The following WDR89 variants were observed in gnomAD, a reference collection of about 807,000 sequenced individuals.
WDR89 encodes WD repeat domain 89, also known as WD repeat-containing protein 89.
A neutral mutation model predicts 29.1 loss-of-function variants in WDR89; 17 were observed. That is an observed-to-expected ratio of 0.58 (90% confidence interval 0.40 to 0.88). The LOEUF is 0.88. WDR89 is among the 40% of genes least tolerant of loss of function. The pLI is 0.00. For synonymous variants in WDR89, 138 were observed against 157.8 expected, an observed-to-expected ratio of 0.87 and a Z score of 0.94; for missense variants, 396 against 456.3, an observed-to-expected ratio of 0.87 and a Z score of 1.20.
chr14:63,638,220 C>T (rs1326830680), intron 1 of WDR89, among the ~76,000 whole-genome samples: 1 of 152,150 alleles, frequency 6.6e-6, no homozygotes, highest in East Asian at 1.9e-4. Flanking sequence ...GCTGGGATTA[C>T]AGGCATGAGC....
intron 2 of WDR89, among the ~76,000 whole-genome samples, chr14:63,611,335 C>G (rs1158278617): frequency 3.5e-4 from 8 of 22,888 alleles, no homozygotes; most frequent in African/African-American, 5.0e-4. Flanking sequence ...GGCCCTGTCG[C>G]AAAAAAAAAA....
intron 2 of WDR89, among the ~76,000 whole-genome samples, chr14:63,604,926 T>C (rs1895238770): frequency 6.6e-6 from 1 of 152,020 alleles, no homozygotes; most frequent in African/African-American, 2.4e-5. Context: ...GCCAGGCAGA[T>C]CACTTTAGCC....
intron 2 of WDR89, among the ~76,000 whole-genome samples, chr14:63,615,357 C>T (rs561868797): frequency 6.6e-6 from 1 of 152,168 alleles, no homozygotes; most frequent in African/African-American, 2.4e-5. Context: ...CAGTTAGAAG[C>T]AATTCGGAAT....
chr14:63,634,261 C>T (rs753639882), intron 1 of WDR89, among the ~76,000 whole-genome samples: 1 of 152,174 alleles, frequency 6.6e-6, no homozygotes, highest in Non-Finnish European at 1.5e-5. Context: ...GTGGCTCACA[C>T]TTGTAATCCC....
rs1479546173 is a variant in WDR89 at position 63,598,859 on chromosome 14, T to A, written c.1084A>T (p.Ser362Cys). ...AIEKTFTKKE[S>C]MKIASSVHQR... is the part of the protein sequence containing the mutation. ...TGCACAGAGGATGCTATTTTCATAC[T>A]CTCTTTCTTTGTAAAGGTCTTCTCT... The change falls in exon 3 of 3, where the codon AGT becomes TGT. Residue 362 changes from serine to cysteine, a missense_variant. Physicochemically the swap from Ser to Cys is moderately radical, Grantham distance 112 (BLOSUM62 -1). Coordinates refer to ENST00000620954, the MANE Select transcript of WDR89 (RefSeq NM_080666.4). The A allele has an allele frequency of 2.5e-6, 4 of 1,614,084 alleles. No individual in the cohort carries two copies. The highest frequency in any genetic ancestry group is 3.4e-6 in the Non-Finnish European group (4 of 1,179,938).
At position 63,599,017 on chromosome 14, in the gene WDR89, C is replaced by T. The variant is rs1429793227; in HGVS notation, c.926G>A (p.Gly309Glu). 2 of 1,614,224 alleles carry T rather than the reference C, an allele frequency of 1.2e-6. No homozygotes were observed. Among genetic ancestry groups the T allele is most frequent in the Non-Finnish European group, 8.5e-7 (1 of 1,180,038 alleles). ...CTGAAGGCTAGTCACATGGGTCAGT[C>T]CTGACATGCTGCAGTTCATCAAATG... Reference protein sequence around the residue: ...RIHLMNCSMSGLTHVTSLQGG... With the variant: ...RIHLMNCSMSELTHVTSLQGG... Residue 309 changes from glycine (G) to glutamate (E), a missense_variant, in exon 3 of 3, where the codon GGA (glycine) becomes GAA (glutamate). By Grantham distance (98) the Gly-to-Glu change is moderately conservative (BLOSUM62 -2). Coordinates refer to ENST00000620954, the MANE Select transcript of WDR89 (RefSeq NM_080666.4).
intron 1 of WDR89, among the ~76,000 whole-genome samples, chr14:63,630,972 G>T (rs1362647434): frequency 6.6e-6 from 1 of 152,024 alleles, no homozygotes; most frequent in Non-Finnish European, 1.5e-5. Context: ...TAGACACAAG[G>T]TCTCACTATG....
intron 1 of WDR89, among the ~76,000 whole-genome samples, chr14:63,626,211 G>A (rs973561472): frequency 1.3e-5 from 2 of 151,876 alleles, no homozygotes; most frequent in Non-Finnish European, 2.9e-5. Context: ...AAGGTAAAAC[G>A]TATTAAAAAT....
intron 1 of WDR89, among the ~76,000 whole-genome samples, chr14:63,635,301 C>T (rs372636865): frequency 1.8e-4 from 28 of 152,196 alleles, no homozygotes; most frequent in African/African-American, 6.5e-4. Context: ...GGTTTCATAC[C>T]AGGAATGCAG....
chr14:63,619,424 T>C (rs1428013240), intron 2 of WDR89, among the ~76,000 whole-genome samples: 1 of 152,042 alleles, frequency 6.6e-6, no homozygotes, highest in Non-Finnish European at 1.5e-5. Flanking sequence ...ATGTACAGAA[T>C]GCAATTTTAA....
At chr14:63,604,897 T>C (rs1290712559) in intron 2 of WDR89, among the ~76,000 whole-genome samples, 2 of 152,110 alleles carry the variant, frequency 1.3e-5, no homozygotes, top group Non-Finnish European at 2.9e-5. Flanking sequence ...CCCAGCACTT[T>C]GGGAGGCCAA....
intron 1 of WDR89, among the ~76,000 whole-genome samples, chr14:63,639,376 A>G (rs919443538): frequency 1.3e-4 from 19 of 151,684 alleles, no homozygotes; most frequent in African/African-American, 4.6e-4. Context: ...AAAAAAAAAA[A>G]AGGAAGAGGT....
intron 2 of WDR89, among the ~76,000 whole-genome samples, chr14:63,614,078 C>T (rs1472803436): frequency 6.6e-6 from 1 of 152,042 alleles, no homozygotes; most frequent in Non-Finnish European, 1.5e-5. Flanking sequence ...CATTCTTATT[C>T]CAGAGCCCAT....
In WDR89 at chr14:63,632,720, G is replaced by A. The variant is rs896471859; in HGVS notation, c.-137-7687C>T. 2.6e-5 allele frequency among the ~76,000 whole-genome samples: 4 copies of A among 151,918 alleles called. No homozygotes were observed. In the South Asian group the frequency reaches 8.3e-4, roughly 32 times the overall value. ...TAGCAGATGAATTATACAGAATGAT[G>A]GCAAGCAGCAGGCCAAGCACCCTAT... On this transcript the variant is annotated intron_variant, in intron 1 of 2. Coordinates refer to ENST00000620954, the MANE Select transcript of WDR89 (RefSeq NM_080666.4).
In WDR89 at chr14:63,599,777, C is replaced by T. The variant is rs764100265; in HGVS notation, c.166G>A (p.Asp56Asn). Residue 56 changes from aspartate (D) to asparagine (N), a missense_variant, in exon 3 of 3, where the codon GAT becomes AAT. By Grantham distance (23) the Asp-to-Asn change is conservative. Transcript: ENST00000620954. The part of the protein sequence containing the change: ...LCSNGSIRIY[D>N]KERLNVLREF... ...CGTAGTACATTTAACCTTTCTTTAT[C>T]ATATATTCTGATTGATCCATTAGAA... 6 of 1,614,044 alleles carry T rather than the reference C, an allele frequency of 3.7e-6. No homozygotes were observed. In the South Asian group the frequency reaches 5.5e-5, roughly 15 times the overall value.
rs545474095 is a variant in WDR89, at chr14:63,607,040, T to C, written c.-31-7067A>G. 3.9e-5 allele frequency among the ~76,000 whole-genome samples: 6 copies of C among 152,358 alleles called. No individual in the cohort carries two copies. The South Asian group carries it at 1.0e-3, about 26-fold the overall frequency. On this transcript the variant is annotated intron_variant, in intron 2 of 2. Coordinates refer to ENST00000620954, the MANE Select transcript of WDR89 (RefSeq NM_080666.4). Reference sequence around the variant, plus strand: ...GAGGCTTTAGAGGAGGAATTACATGTAAATTCTATGTATCAGAAGAGAAAG... The same window carrying C: ...GAGGCTTTAGAGGAGGAATTACATGCAAATTCTATGTATCAGAAGAGAAAG...
intron 2 of WDR89, among the ~76,000 whole-genome samples, chr14:63,614,598 C>T (rs548231288): frequency 1.3e-5 from 2 of 152,240 alleles, no homozygotes; most frequent in African/African-American, 2.4e-5. Context: ...CACACATATG[C>T]GTTACCAGTA....
chr14:63,609,973 T>C (rs1165051356), intron 2 of WDR89, among the ~76,000 whole-genome samples: 4 of 151,882 alleles, frequency 2.6e-5, no homozygotes, highest in Non-Finnish European at 4.4e-5. Context: ...CTTGAGTTCC[T>C]TGGAGAAAGA....
intron 1 of WDR89, chr14:63,641,209 C>T (rs1320221997): frequency 6.6e-6 from 1 of 151,812 alleles, no homozygotes; most frequent in Non-Finnish European, 1.5e-5. Flanking sequence ...CTGAATGCCA[C>T]AATTTGTCAG....
Sources: allele counts gnomAD v4.1 joint callset (sites outside exome capture counted in the v4.1 genomes callset), GRCh38; gene constraint gnomAD v4.1.1; transcripts MANE v1.5; gene names NCBI Gene and HGNC (gene_info 2026-07-23, HGNC 2026-07-21).